The following C16orf96 variants were observed in gnomAD, a reference collection of about 807,000 sequenced individuals.
The protein encoded by C16orf96 is uncharacterized protein C16orf96.
In C16orf96, 108 loss-of-function variants were observed where a neutral mutation model predicts 103.6. The ratio of observed to expected loss-of-function variants is 1.04; its 90% confidence interval spans 0.89 to 1.22. The LOEUF (loss-of-function observed/expected upper bound fraction) is 1.22. Ranked by LOEUF, C16orf96 falls within the 50% of genes most tolerant of loss-of-function variation. C16orf96 has a pLI of 0.00. For missense variants in C16orf96, 1,586 were observed against 1,464.2 expected (o/e 1.08, Z -1.36); for synonymous variants, 566 against 593.5 (o/e 0.95, Z 0.67).
At chr16:4,581,807 T>G (rs1048810712) in intron 7 of C16orf96, among the ~76,000 whole-genome samples, 9 of 151,570 alleles carry the variant, frequency 5.9e-5, no homozygotes, top group African/African-American at 2.2e-4. Flanking sequence ...AATTATAAAA[T>G]TAGCCAAGCG....
At position 4,594,432 on chromosome 16, in the gene C16orf96, C is replaced by T. The variant is rs1442330825; in HGVS notation, c.2949C>T (p.Ala983=). 1.3e-6 allele frequency: 2 copies of T among 1,551,362 alleles called. No homozygotes were observed. Among genetic ancestry groups the T allele is most frequent in the Admixed American group, 2.0e-5 (1 of 50,982 alleles). ...QQDWGDGPQN[A]TSLKCKSCNL... ...ACTGGGGTGATGGCCCCCAAAACGC[C>T]ACCAGCCTCAAGTGCAAGTCCTGCA... Residue 983 remains alanine (A), a synonymous_variant, in exon 13 of 16, where the codon GCC becomes GCT. Coordinates refer to ENST00000444310, the MANE Select transcript of C16orf96 (RefSeq NM_001145011.2).
At chr16:4,573,904 G>T (rs538575763) in intron 2 of C16orf96, among the ~76,000 whole-genome samples, 2 of 152,038 alleles carry the variant, frequency 1.3e-5, no homozygotes, top group Non-Finnish European at 2.9e-5. Flanking sequence ...CACGATCTCA[G>T]CTCACTGCAA....
At chr16:4,583,638 G>A (rs1425463533) in intron 7 of C16orf96, among the ~76,000 whole-genome samples, 1 of 152,098 alleles carries the variant, frequency 6.6e-6, no homozygotes, top group Non-Finnish European at 1.5e-5. Flanking sequence ...AATAGGCCAA[G>A]AAGACTGGGC....
chr16:4,547,480 C>T, the C16orf96 span, among the ~76,000 whole-genome samples: 1 of 148,682 alleles, frequency 6.7e-6, no homozygotes, highest in African/African-American at 2.6e-5. Flanking sequence ...CCAGAATAGG[C>T]AAACCCATAG....
In C16orf96 at chr16:4,582,168, G is replaced by T. The variant is rs537935657; in HGVS notation, c.2352+2043G>T. Among the ~76,000 whole-genome samples the T allele has an allele frequency of 7.2e-5, 11 of 152,192 alleles. No individual in the cohort carries two copies. The South Asian group carries it at 2.3e-3, about 32-fold the overall frequency. The stretch of plus-strand genomic sequence containing the variant: ...ATGGTGGCGGATGCCTGTAATCCCA[G>T]CTACTCGGGTGGCTGAGGCAGGAGA... On this transcript the variant is annotated intron_variant, in intron 7 of 15. Coordinates refer to ENST00000444310, the MANE Select transcript of C16orf96 (RefSeq NM_001145011.2).
chr16:4,563,007 A>G, intron 1 of C16orf96: 1 of 1,076,934 alleles, frequency 9.3e-7, no homozygotes, highest in East Asian at 2.4e-5. Context: ...AATCTGAAAC[A>G]TGTTACCATC....
chr16:4,566,323 C>A (rs751192146), intron 1 of C16orf96, among the ~76,000 whole-genome samples: 1 of 152,186 alleles, frequency 6.6e-6, no homozygotes, highest in Non-Finnish European at 1.5e-5. Flanking sequence ...ACGATTTCTC[C>A]TTATGGTTAA....
At chr16:4,567,242 T>C (rs1351841389) in intron 1 of C16orf96, among the ~76,000 whole-genome samples, 2 of 151,856 alleles carry the variant, frequency 1.3e-5, no homozygotes, top group Non-Finnish European at 2.9e-5. Context: ...TTCTAATTTC[T>C]ATTTCTATTG....
intron 1 of C16orf96, among the ~76,000 whole-genome samples, chr16:4,568,287 C>G (rs1431656363): frequency 6.6e-6 from 1 of 152,052 alleles, no homozygotes; most frequent in East Asian, 1.9e-4. Context: ...TTTGTTAAGG[C>G]TTGTTTTATG....
chr16:4,554,475 C>A (rs192411490), upstream of C16orf96, among the ~76,000 whole-genome samples: 5 of 151,942 alleles, frequency 3.3e-5, no homozygotes, highest in Non-Finnish European at 7.4e-5. Flanking sequence ...CTCAGCCTCC[C>A]GAGTAGTTGG....
At chr16:4,548,983 C>G in the C16orf96 span, among the ~76,000 whole-genome samples, 1 of 152,056 alleles carries the variant, frequency 6.6e-6, no homozygotes. Flanking sequence ...CCTTCCTTGC[C>G]TTTCCTTTCC....
chr16:4,580,639 G>A (rs2059573720), intron 7 of C16orf96, among the ~76,000 whole-genome samples: 1 of 152,050 alleles, frequency 6.6e-6, no homozygotes, highest in African/African-American at 2.4e-5. Flanking sequence ...TTAAGACAAA[G>A]AGTTTGAGAC....
intron 7 of C16orf96, 112 bp downstream of exon 7, chr16:4,580,237 G>A (rs2059567178): frequency 2.7e-6 from 2 of 754,590 alleles, no homozygotes; most frequent in South Asian, 2.1e-5. Context: ...CTTGAGGCTG[G>A]GAACCAGTGG....
At chr16:4,591,627 T>C (rs1897060938) in intron 9 of C16orf96, 39 bp from the exon 10 acceptor site, 8 of 1,483,430 alleles carry the variant, frequency 5.4e-6, no homozygotes, top group Non-Finnish European at 6.5e-6. Flanking sequence ...TGTGAATTCA[T>C]AGAGTATTCT....
At position 4,567,692 on chromosome 16, in the gene C16orf96, C is replaced by CTTTTTTTT. The variant is rs60143866; in HGVS notation, c.421-3851_421-3844dup. ...AATTTTCAATAGTTTCTTCTGTTGCCTTTTTTTTTTTTTTTTTTTTTTTTT... is the reference window on the plus strand; with the variant it reads ...AATTTTCAATAGTTTCTTCTGTTGCCTTTTTTTTTTTTTTTTTTTTTTTTTTTTTTTTT... On this transcript the variant is annotated intron_variant, in intron 1 of 15. Coordinates refer to ENST00000444310, the MANE Select transcript of C16orf96 (RefSeq NM_001145011.2). 5.8e-4 allele frequency among the ~76,000 whole-genome samples: 26 copies of CTTTTTTTT among 44,502 alleles called. 1 individual carries two copies. The highest frequency in any genetic ancestry group is 6.9e-4 in the African/African-American group (8 of 11,598). The allele number at this position is 44,502 out of a possible 152,430, so 29.2% of individuals were successfully genotyped here. A position where few individuals can be genotyped will look rare whatever the true frequency, so the allele number is the denominator to read the frequency against.
At position 4,593,193 on chromosome 16, in the gene C16orf96, C is replaced by T. The variant is rs1443066841; in HGVS notation, c.2775-31C>T. 1.9e-6 allele frequency: 3 copies of T among 1,546,822 alleles called. No individual in the cohort carries two copies. The highest frequency in any genetic ancestry group is 2.0e-5 in the Admixed American group (1 of 50,964). ...CTCTGCTGGCCTAGCACGCCTCCCA[C>T]AGCCCCTGCTGTGCCCTTGTCCTCC... is the stretch of plus-strand genomic sequence containing the variant. On this transcript the variant is annotated intron_variant, in intron 11 of 15. Transcript: ENST00000444310. This position sits in a 1 kb window ranked among gnomAD's most constrained non-coding sequence, Gnocchi z 4.2.
intron 1 of C16orf96, chr16:4,563,201 C>T (rs1596515696): frequency 1.6e-6 from 1 of 637,442 alleles, no homozygotes; most frequent in East Asian, 3.5e-5. Context: ...CATCGCTTCG[C>T]TCGGCTCTAG....
In C16orf96 at chr16:4,556,884, A is replaced by T; in HGVS notation, c.395A>T (p.Glu132Val). 1 of 1,548,906 alleles carries T rather than the reference A, an allele frequency of 6.5e-7. No homozygotes were observed. The change falls in exon 1 of 16, where the codon GAG becomes GTG. Residue 132 changes from glutamate (E) to valine (V), a missense_variant. By Grantham distance (121) the Glu-to-Val change is moderately radical (BLOSUM62 -2). Transcript: ENST00000444310. Reference sequence around the variant, plus strand: ...CTGATCAAGCTCCGGAAGATGGTGGAGGGTCATGATGAAGTCATGGCCAAG... The same window carrying T: ...CTGATCAAGCTCCGGAAGATGGTGGTGGGTCATGATGAAGTCATGGCCAAG... ...WHLIKLRKMV[E>V]GHDEVMAKSM...
chr16:4,600,090 C>T lies in C16orf96; in HGVS notation c.3209-10C>T, dbSNP rs1270133355. On this transcript the variant is annotated splice_polypyrimidine_tract_variant and intron_variant, in intron 15 of 15. Transcript: ENST00000444310. ...GGCACACATCTAGGGTTTCTCCTGC[C>T]CCTCCCCAGCCCTGTGCCCCCGCTC... is the stretch of plus-strand genomic sequence containing the variant. The T allele has an allele frequency of 2.6e-6, 4 of 1,550,142 alleles. No homozygotes were observed. The highest frequency in any genetic ancestry group is 2.4e-5 in the South Asian group (2 of 84,046).
Sources: gnomAD v4.1 joint callset for allele counts (sites outside exome capture counted in the v4.1 genomes callset) on GRCh38, gnomAD v4.1.1 for gene constraint, Gnocchi (gnomAD v3.1) non-coding constraint, MANE v1.5 for transcripts, NCBI Gene and HGNC (gene_info 2026-07-23, HGNC 2026-07-21) for gene names.